The following MAPK8IP3 variants were observed in gnomAD, a reference collection of about 807,000 sequenced individuals.
MAPK8IP3 encodes the protein C-Jun-amino-terminal kinase-interacting protein 3.
In MAPK8IP3, 49 loss-of-function variants were observed where a neutral mutation model predicts 157.8. That is an observed-to-expected ratio of 0.31 (90% confidence interval 0.25 to 0.39). The LOEUF (loss-of-function observed/expected upper bound fraction) is 0.39, where lower values mean the gene tolerates loss of function less well. MAPK8IP3 is among the 10% of genes least tolerant of loss of function. The pLI, the probability that MAPK8IP3 is intolerant of heterozygous loss-of-function variation, is 1.00. For synonymous variants in MAPK8IP3, 897 were observed against 777.7 expected (o/e 1.15, Z -2.55); for missense variants, 1,478 against 1,889.4 (o/e 0.78, Z 4.04).
chr16:1,712,654 G>A (rs1273867079), intron 1 of MAPK8IP3, among the ~76,000 whole-genome samples: 1 of 152,106 alleles, frequency 6.6e-6, no homozygotes, highest in Non-Finnish European at 1.5e-5. Context: ...TCTTCCCCAG[G>A]TGGCCCCCCA....
rs1440057288 is a variant in MAPK8IP3, at chr16:1,742,404, C to T, written c.603-928C>T. ...TCTTGCCAGGCTGTCCGAGGCCAGGCTGTCCCAGGGTCCGTCTTCAGGTTC... is the reference window on the plus strand; with the variant it reads ...TCTTGCCAGGCTGTCCGAGGCCAGGTTGTCCCAGGGTCCGTCTTCAGGTTC... On this transcript the variant is annotated intron_variant, in intron 4 of 31. Coordinates refer to ENST00000610761, the MANE Select transcript of MAPK8IP3 (RefSeq NM_001318852.2). The surrounding 1 kb of genome is among the most constrained non-coding windows in gnomAD (Gnocchi z 5.0). 1.3e-5 allele frequency among the ~76,000 whole-genome samples: 2 copies of T among 152,200 alleles called. No individual in the cohort carries two copies. Among genetic ancestry groups the T allele is most frequent in the Non-Finnish European group, 2.9e-5 (2 of 68,020 alleles).
chr16:1,764,186 G>A lies in MAPK8IP3; in HGVS notation c.2097G>A (p.Leu699=). 1 of 1,611,712 alleles carries A rather than the reference G, an allele frequency of 6.2e-7. No homozygotes were observed. The highest frequency in any genetic ancestry group is 1.3e-5 in the African/African-American group (1 of 75,036). ...NVPVPVYCRP[L]VEKDPTMKLW... The stretch of plus-strand genomic sequence containing the variant: ...CGGTGCCGGTGTACTGCCGCCCTCT[G>A]GTGGAGAAGGACCCCACCATGAAGG... Residue 699 remains leucine (L), a synonymous_variant, in exon 18 of 32, where the codon CTG becomes CTA. Coordinates refer to ENST00000610761, the MANE Select transcript of MAPK8IP3 (RefSeq NM_001318852.2).
rs1007186325 is a variant in MAPK8IP3, at chr16:1,714,588, C to A, written c.318+7931C>A. Among the ~76,000 whole-genome samples the A allele has an allele frequency of 2.0e-5, 3 of 152,284 alleles. No homozygotes were observed. In the South Asian group the frequency reaches 6.2e-4, roughly 32 times the overall value. On this transcript the variant is annotated intron_variant, in intron 1 of 31. Coordinates refer to ENST00000610761, the MANE Select transcript of MAPK8IP3 (RefSeq NM_001318852.2). ...TTCGGGGGGCCCCTTCCTCCCCAGG[C>A]CTCTGGGGAGTTTGGGGCTCCTGTT...
At chr16:1,760,042 G>A (rs759901044) in intron 11 of MAPK8IP3, 27 bp downstream of exon 11, 1 of 1,612,794 alleles carries the variant, frequency 6.2e-7, no homozygotes, top group South Asian at 1.1e-5. Flanking sequence ...CCTGTGTGGT[G>A]GGGCTGAGGC....
At chr16:1,734,248 C>T (rs927736114) in intron 4 of MAPK8IP3, among the ~76,000 whole-genome samples, 2 of 152,248 alleles carry the variant, frequency 1.3e-5, no homozygotes, top group Non-Finnish European at 2.9e-5. Context: ...CTGAGCATGC[C>T]GAGGCCCTGA....
intron 4 of MAPK8IP3, among the ~76,000 whole-genome samples, chr16:1,735,627 G>A (rs1443914158): frequency 3.5e-5 from 5 of 144,530 alleles, no homozygotes; most frequent in East Asian, 4.3e-4. Context: ...GTGAGCATCC[G>A]TGTGACTGTC....
chr16:1,759,672 G>A (rs1175746646), intron 10 of MAPK8IP3, among the ~76,000 whole-genome samples: 6 of 152,216 alleles, frequency 3.9e-5, no homozygotes, highest in African/African-American at 4.8e-5. Context: ...CCTGCTGGGG[G>A]CACTGAGATG....
chr16:1,728,267 A>G (rs976734416), intron 2 of MAPK8IP3, among the ~76,000 whole-genome samples: 2 of 152,154 alleles, frequency 1.3e-5, no homozygotes, highest in Admixed American at 6.5e-5. Flanking sequence ...GGGAGACATG[A>G]CTGTCAGCCC....
Position 1,743,111 on chromosome 16 carries a change from A to C in MAPK8IP3, c.603-221A>C, listed in dbSNP as rs1366247002. On this transcript the variant is annotated intron_variant, in intron 4 of 31. Coordinates refer to ENST00000610761, the MANE Select transcript of MAPK8IP3 (RefSeq NM_001318852.2). This position sits in a 1 kb window ranked among gnomAD's most constrained non-coding sequence, Gnocchi z 5.6. ...CTCCGCCTCAAAAAAAATAAAATAAAATAAAATAAAATAAAATTGAACTTA... is the reference window on the plus strand; with the variant it reads ...CTCCGCCTCAAAAAAAATAAAATAACATAAAATAAAATAAAATTGAACTTA... Among the ~76,000 whole-genome samples the C allele has an allele frequency of 6.6e-6, 1 of 152,086 alleles. No individual in the cohort carries two copies. The highest frequency in any genetic ancestry group is 2.4e-5 in the African/African-American group (1 of 41,406).
intron 8 of MAPK8IP3, among the ~76,000 whole-genome samples, chr16:1,750,648 AT>A (rs11320517): frequency 0.19 from 27,526 of 145,358 alleles, 2,641 homozygotes; most frequent in East Asian, 0.37. Context: ...TGCTATAATG[AT>A]TTTTTTTTTT....
rs1323703215 is a variant in MAPK8IP3 at position 1,729,482 on chromosome 16, C to T, written c.511-5C>T. On this transcript the variant is annotated splice_polypyrimidine_tract_variant and splice_region_variant and intron_variant, in intron 3 of 31. Transcript: ENST00000610761. ...GCGCTAATGCAGGCGTTTCCCTCCT[C>T]GCAGATGATACAGACCTACGTGGAG... 3 of 1,611,990 alleles carry T rather than the reference C, an allele frequency of 1.9e-6. No individual in the cohort carries two copies. The highest frequency in any genetic ancestry group is 1.7e-6 in the Non-Finnish European group (2 of 1,179,166).
intron 4 of MAPK8IP3, among the ~76,000 whole-genome samples, chr16:1,739,681 ACCGTCCGTGTGAGCTT>A (rs2040497949): frequency 1.1e-5 from 1 of 93,236 alleles, no homozygotes; most frequent in African/African-American, 4.5e-5. Flanking sequence ...CGTGTGAGTG[ACCGTCCGTGTGAGCTT>A]CCGTGTGACC....
At chr16:1,736,853 T>TGAGC (rs2039938539) in intron 4 of MAPK8IP3, among the ~76,000 whole-genome samples, 1 of 75,764 alleles carries the variant, frequency 1.3e-5, no homozygotes, top group Admixed American at 1.8e-4. Flanking sequence ...ACCGTCCGTG[T>TGAGC]GTGACCGTCC....
intron 1 of MAPK8IP3, among the ~76,000 whole-genome samples, chr16:1,721,915 G>A (rs959914570): frequency 1.3e-5 from 2 of 151,776 alleles, no homozygotes; most frequent in South Asian, 2.1e-4. Flanking sequence ...GACTACAGGC[G>A]CCCGCCACCA....
In MAPK8IP3 at chr16:1,724,661, G is replaced by A. The variant is rs1288293000; in HGVS notation, c.423G>A (p.Lys141=). Residue 141 remains lysine (K), a synonymous_variant, in exon 2 of 32, where the codon AAG becomes AAA. Transcript: ENST00000610761. The surrounding 1 kb of genome is among the most constrained non-coding windows in gnomAD (Gnocchi z 4.1). The part of the protein sequence containing the change: ...FQTRQLELKA[K]NYADQISRLE... ...CGCGCCAGCTGGAGCTGAAGGCCAA[G>A]AACTATGCCGATCAGAGTAAGTGGC... 9.3e-6 allele frequency: 15 copies of A among 1,613,194 alleles called. No individual in the cohort carries two copies. The highest frequency in any genetic ancestry group is 1.7e-5 in the Admixed American group (1 of 60,004).
At position 1,743,652 on chromosome 16, in the gene MAPK8IP3, C is replaced by T; in HGVS notation, c.747+176C>T. The T allele has an allele frequency of 1.4e-6, 2 of 1,431,190 alleles. No individual in the cohort carries two copies. The highest frequency in any genetic ancestry group is 2.8e-5 in the East Asian group (1 of 36,348). 88.7% of individuals were successfully genotyped at this position (1,431,190 alleles called of 1,614,324 possible). ...GCCAGGGTGTCAGGGGCTCAGGCTG[C>T]CCAGCAGGCCCTGTGTGGCTGTGGC... On this transcript the variant is annotated intron_variant, in intron 5 of 31. Transcript: ENST00000610761. The surrounding 1 kb of genome is among the most constrained non-coding windows in gnomAD (Gnocchi z 5.6).
At chr16:1,746,240 C>T (rs145078259) in intron 5 of MAPK8IP3, 1 of 152,264 alleles carries the variant, frequency 6.6e-6, no homozygotes, top group Non-Finnish European at 1.5e-5. Context: ...TCTTTTTCTC[C>T]AGCTGGTTCA....
At chr16:1,756,623 AACACACACACACAC>A (rs60461442) in intron 8 of MAPK8IP3, among the ~76,000 whole-genome samples, 2,703 of 135,684 alleles carry the variant, frequency 0.02, 78 homozygotes, top group African/African-American at 0.069. Flanking sequence ...TTTTTACTAA[AACACACACACACAC>A]ACACACACAC....
At chr16:1,717,862 T>TC (rs2038254767) in intron 1 of MAPK8IP3, among the ~76,000 whole-genome samples, 1 of 152,138 alleles carries the variant, frequency 6.6e-6, no homozygotes, top group East Asian at 1.9e-4. Flanking sequence ...GGTTCTCTTT[T>TC]TTTTTTTGAG....
Sources: gnomAD v4.1 joint callset for allele counts (sites outside exome capture counted in the v4.1 genomes callset) on GRCh38, gnomAD v4.1.1 for gene constraint, Gnocchi (gnomAD v3.1) non-coding constraint, MANE v1.5 for transcripts, NCBI Gene and HGNC (gene_info 2026-07-23, HGNC 2026-07-21) for gene names.